SYPL2: variants seen among roughly 807,000 people sequenced by gnomAD.
SYPL2 encodes the protein synaptophysin like 2.
Under a neutral mutation model 31.3 loss-of-function variants are expected in SYPL2, and 24 were observed. That is an observed-to-expected ratio of 0.77 (90% CI 0.56 to 1.08). The LOEUF (loss-of-function observed/expected upper bound fraction) is 1.08. SYPL2 is among the 50% of genes least tolerant of loss of function. The pLI, the probability that SYPL2 is intolerant of heterozygous loss-of-function variation, is 0.00. For synonymous variants in SYPL2, 144 were observed against 143.1 expected, an observed-to-expected ratio of 1.01 and a Z score of -0.05; for missense variants, 342 against 360.1, an observed-to-expected ratio of 0.95 and a Z score of 0.41.
At chr1:109,467,252 G>T (rs1285287420) in intron 2 of SYPL2, 119 bp downstream of exon 2, 15 of 739,224 alleles carry the variant, frequency 2.0e-5, no homozygotes, top group Non-Finnish European at 2.8e-5. Flanking sequence ...GCGGAAGGGT[G>T]GGGGGCGGCG....
chr1:109,473,706 CA>C (rs1655903838), intron 2 of SYPL2, among the ~76,000 whole-genome samples: 1 of 151,992 alleles, frequency 6.6e-6, no homozygotes, highest in Non-Finnish European at 1.5e-5. Flanking sequence ...TCCTGGCTAA[CA>C]CGGTGAAAAC....
chr1:109,470,166 T>A (rs959407304), intron 2 of SYPL2, among the ~76,000 whole-genome samples: 5 of 152,114 alleles, frequency 3.3e-5, no homozygotes, highest in African/African-American at 4.8e-5. Context: ...TTGTAAAAAA[T>A]TTTTGTAAAA....
Position 109,475,682 on chromosome 1 carries a change from C to G in SYPL2, c.231C>G (p.Ile77Met), listed in dbSNP as rs775317190. Residue 77 changes from isoleucine to methionine, a missense_variant, in exon 3 of 6, where the codon ATC (isoleucine) becomes ATG (methionine). Transcript: ENST00000369872. ...NNEAKDVSSIIVAFGYPFRLH... is the reference protein window; with the variant it reads ...NNEAKDVSSIMVAFGYPFRLH... ...AAGCCAAGGACGTGAGCTCCATCAT[C>G]GTTGCATTTGGCTATCCCTTCAGGT... The G allele has an allele frequency of 6.2e-7, 1 of 1,614,044 alleles. No individual in the cohort carries two copies. The highest frequency in any genetic ancestry group is 8.5e-7 in the Non-Finnish European group (1 of 1,179,914).
At chr1:109,468,410 C>T (rs915132996) in intron 2 of SYPL2, among the ~76,000 whole-genome samples, 7 of 152,264 alleles carry the variant, frequency 4.6e-5, no homozygotes, top group South Asian at 2.1e-4. Flanking sequence ...TTGGGATTAT[C>T]GGGCCAGCCT....
intron 2 of SYPL2, among the ~76,000 whole-genome samples, chr1:109,472,648 G>C (rs539939505): frequency 4.5e-5 from 3 of 67,344 alleles, no homozygotes; most frequent in African/African-American, 2.0e-4. Flanking sequence ...GTCTTGTTCT[G>C]TTGCCCAGCC....
rs1184109529 is a variant in SYPL2 at position 109,481,117 on chromosome 1, T to A, written c.*1569T>A. On this transcript the variant is annotated 3_prime_UTR_variant, in exon 6 of 6. Transcript: ENST00000369872. Reference sequence around the variant, plus strand: ...TCACCTCTCTAAACACCATCCATAGTAACATGTGCATTACTGGGGTACCTA... The same window carrying A: ...TCACCTCTCTAAACACCATCCATAGAAACATGTGCATTACTGGGGTACCTA... 2 of 152,630 alleles carry A rather than the reference T, an allele frequency of 1.3e-5. No homozygotes were observed. The highest frequency in any genetic ancestry group is 6.5e-5 in the Admixed American group (1 of 15,286). 9.5% of individuals were successfully genotyped at this position (152,630 alleles called of 1,614,324 possible).
Position 109,479,426 on chromosome 1 carries a change from G to A in SYPL2, c.697G>A (p.Val233Met). The A allele has an allele frequency of 6.2e-7, 1 of 1,614,158 alleles. No individual in the cohort carries two copies. ...CCTGTGGGCCGGGAACTGTTGGTTT[G>A]TGTTCAAGGAGACCCCGTGGCATGG... ...FFLWAGNCWF[V>M]FKETPWHGQG... is the part of the protein sequence containing the mutation. The change falls in exon 6 of 6, where the codon GTG becomes ATG. Residue 233 changes from valine (V) to methionine (M), a missense_variant. Coordinates refer to ENST00000369872, the MANE Select transcript of SYPL2 (RefSeq NM_001040709.2).
rs1377765229 is a variant in SYPL2 at position 109,481,859 on chromosome 1, A to G, written c.*2311A>G. On this transcript the variant is annotated 3_prime_UTR_variant, in exon 6 of 6. Transcript: ENST00000369872. ...CCAGGGCTGGCATCACTGCTTTGCA[A>G]AGTGGGGCCTGAGGTAGAAGAAGGT... The G allele has an allele frequency of 2.6e-5, 4 of 152,480 alleles. No homozygotes were observed. The highest frequency in any genetic ancestry group is 5.9e-5 in the Non-Finnish European group (4 of 68,148). The allele number at this position is 152,480 out of a possible 1,614,324, so 9.4% of individuals were successfully genotyped here.
intron 2 of SYPL2, 141 bp downstream of exon 2, chr1:109,467,274 G>A: frequency 1.6e-6 from 1 of 629,110 alleles, no homozygotes; most frequent in Non-Finnish European, 2.7e-6. Context: ...CAGGTGGGCG[G>A]GGGAGGGGCG....
At position 109,480,734 on chromosome 1, in the gene SYPL2, G is replaced by A. The variant is rs1656137730; in HGVS notation, c.*1186G>A. 6.6e-6 allele frequency: 1 copy of A among 152,522 alleles called. No individual in the cohort carries two copies. Among genetic ancestry groups the A allele is most frequent in the African/African-American group, 2.4e-5 (1 of 41,350 alleles). 9.4% of individuals were successfully genotyped at this position (152,522 alleles called of 1,614,324 possible). On this transcript the variant is annotated 3_prime_UTR_variant, in exon 6 of 6. Transcript: ENST00000369872. The stretch of plus-strand genomic sequence containing the variant: ...TCCCTTGCTGTCCCATTTCTCCCCT[G>A]TGTCCTTATTTCTCCCAGTCTCTAT...
intron 2 of SYPL2, among the ~76,000 whole-genome samples, chr1:109,471,318 T>G (rs1349242600): frequency 6.6e-6 from 1 of 152,174 alleles, no homozygotes; most frequent in East Asian, 1.9e-4. Context: ...TATATTTTGG[T>G]AAATAAAAAA....
At chr1:109,467,282 G>T in intron 2 of SYPL2, 149 bp downstream of exon 2, 1 of 613,392 alleles carries the variant, frequency 1.6e-6, no homozygotes, top group Non-Finnish European at 2.8e-6. Context: ...CGGGGGAGGG[G>T]CGGGCTGGGG....
chr1:109,467,801 A>G (rs995788116), intron 2 of SYPL2, among the ~76,000 whole-genome samples: 1 of 152,254 alleles, frequency 6.6e-6, no homozygotes, highest in Admixed American at 6.5e-5. Flanking sequence ...AAAATGGAAC[A>G]CTGATCTGAG....
intron 4 of SYPL2, 119 bp downstream of exon 4, chr1:109,477,096 G>A (rs1656024499): frequency 8.2e-6 from 10 of 1,219,816 alleles, no homozygotes; most frequent in Non-Finnish European, 1.2e-5. Context: ...TGGAACCTCT[G>A]CCTCCATCAA....
In SYPL2 at chr1:109,476,823, G is replaced by C. The variant is rs746636136; in HGVS notation, c.302G>C (p.Ser101Thr). 1 of 1,614,172 alleles carries C rather than the reference G, an allele frequency of 6.2e-7. No homozygotes were observed. Among genetic ancestry groups the C allele is most frequent in the Non-Finnish European group, 8.5e-7 (1 of 1,180,030 alleles). The stretch of plus-strand genomic sequence containing the variant: ...ATGCCCCTCTGCGATGAAGAGTCCA[G>C]CTCCAAGACCATGCACCTCATGGGG... ...YEMPLCDEES[S>T]SKTMHLMGDF... Residue 101 changes from serine (S) to threonine (T), a missense_variant, in exon 4 of 6, where the codon AGC becomes ACC. Coordinates refer to ENST00000369872, the MANE Select transcript of SYPL2 (RefSeq NM_001040709.2).
rs1656017939 is a variant in SYPL2 at position 109,476,925 on chromosome 1, T to C, written c.404T>C (p.Ile135Thr). 7 of 1,614,162 alleles carry C rather than the reference T, an allele frequency of 4.3e-6. No homozygotes were observed. Among genetic ancestry groups the C allele is most frequent in the Non-Finnish European group, 5.9e-6 (7 of 1,180,036 alleles). Reference sequence around the variant, plus strand: ...TTCTATACCATGGCTGCCCTAGTTATCTACCTGCGCTTCCACAACCTCTAC... The same window carrying C: ...TTCTATACCATGGCTGCCCTAGTTACCTACCTGCGCTTCCACAACCTCTAC... ...SFFYTMAALV[I>T]YLRFHNLYTE... The change falls in exon 4 of 6, where the codon ATC becomes ACC. Residue 135 changes from isoleucine (I) to threonine (T), a missense_variant. Physicochemically the swap from Ile to Thr is moderately conservative, Grantham distance 89. Coordinates refer to ENST00000369872, the MANE Select transcript of SYPL2 (RefSeq NM_001040709.2).
intron 2 of SYPL2, among the ~76,000 whole-genome samples, chr1:109,472,407 T>G (rs372773982): frequency 7.7e-4 from 117 of 151,950 alleles, no homozygotes; most frequent in African/African-American, 2.8e-3. Context: ...CTTTTTTCTC[T>G]TTTGTTCACT....
chr1:109,470,198 C>T (rs1169264490), intron 2 of SYPL2, among the ~76,000 whole-genome samples: 1 of 152,164 alleles, frequency 6.6e-6, no homozygotes, highest in African/African-American at 2.4e-5. Flanking sequence ...CTATGCTGCC[C>T]CAGCTGGCTT....
At position 109,466,775 on chromosome 1, in the gene SYPL2, C is replaced by T. The variant is rs1026861314; in HGVS notation, c.-69C>T. The T allele has an allele frequency of 9.0e-6, 13 of 1,445,372 alleles. No homozygotes were observed. The African/African-American group carries it at 1.9e-4, about 22-fold the overall frequency. 89.5% of individuals were successfully genotyped at this position (1,445,372 alleles called of 1,614,324 possible). A position where few individuals can be genotyped will look rare whatever the true frequency, so the allele number is the denominator to read the frequency against. ...CCGGACCTGCAGCTCCCCGCTCCCCCGCCGTGTCCGCCGCCTCCCGGCCAG... is the reference window on the plus strand; with the variant it reads ...CCGGACCTGCAGCTCCCCGCTCCCCTGCCGTGTCCGCCGCCTCCCGGCCAG... On this transcript the variant is annotated 5_prime_UTR_variant, in exon 1 of 6. Coordinates refer to ENST00000369872, the MANE Select transcript of SYPL2 (RefSeq NM_001040709.2).
Sources: gnomAD v4.1 joint callset for allele counts (sites outside exome capture counted in the v4.1 genomes callset) on GRCh38, gnomAD v4.1.1 for gene constraint, MANE v1.5 for transcripts, NCBI Gene and HGNC (gene_info 2026-07-23, HGNC 2026-07-21) for gene names.